ARL8B: variants seen among roughly 807,000 people sequenced by gnomAD.
ARL8B encodes the protein ARF like GTPase 8B, also known as ADP-ribosylation factor-like protein 8B.
A neutral mutation model predicts 30.6 loss-of-function variants in ARL8B; 9 were observed. That is an observed-to-expected ratio of 0.29 (90% CI 0.18 to 0.51). The LOEUF (loss-of-function observed/expected upper bound fraction) is 0.51. Ranked by LOEUF, ARL8B falls within the 20% of genes least tolerant of loss-of-function variation. ARL8B has a pLI of 0.97. For missense variants in ARL8B, 130 were observed against 227.2 expected, an observed-to-expected ratio of 0.57 and a Z score of 2.75; for synonymous variants, 74 against 76.0, an observed-to-expected ratio of 0.97 and a Z score of 0.14.
At chr3:5,165,252 C>CA (rs80333171) in intron 1 of ARL8B, among the ~76,000 whole-genome samples, 48 of 147,890 alleles carry the variant, frequency 3.2e-4, no homozygotes, top group South Asian at 1.3e-3. Context: ...ACTTTGCTAG[C>CA]AAAAAAAAAA....
chr3:5,134,422 C>A (rs1054943122), intron 1 of ARL8B, among the ~76,000 whole-genome samples: 1 of 152,130 alleles, frequency 6.6e-6, no homozygotes. Context: ...GGCTGGGAAG[C>A]CTTTGCTGTC....
chr3:5,169,336 T>TGTGA (rs1227124728), intron 1 of ARL8B, among the ~76,000 whole-genome samples: 1 of 143,200 alleles, frequency 7.0e-6, no homozygotes, highest in Non-Finnish European at 1.5e-5. Context: ...TGTGTGTGTG[T>TGTGA]GTGTGTGAGT....
chr3:5,138,540 T>A (rs2054346371), intron 1 of ARL8B, among the ~76,000 whole-genome samples: 1 of 152,192 alleles, frequency 6.6e-6, no homozygotes, highest in Admixed American at 6.5e-5. Context: ...ATCATTATTA[T>A]TTTTAAATAG....
At position 5,139,102 on chromosome 3, in the gene ARL8B, A is replaced by AT. The variant is rs1193766020; in HGVS notation, c.123+16521dup. ...TAATATTTTAAAAAATTGTTACTGA[A>AT]TTTTTTTACAGTAGAAGGGAACATG... is the stretch of plus-strand genomic sequence containing the variant. On this transcript the variant is annotated intron_variant, in intron 1 of 6. Transcript: ENST00000256496. Among the ~76,000 whole-genome samples the AT allele has an allele frequency of 1.1e-4, 16 of 152,236 alleles. 1 individual carries two copies. The highest frequency in any genetic ancestry group is 6.5e-4 in the Admixed American group (10 of 15,284).
At chr3:5,169,168 T>C (rs1237615501) in intron 1 of ARL8B, among the ~76,000 whole-genome samples, 1 of 152,160 alleles carries the variant, frequency 6.6e-6, no homozygotes, top group Non-Finnish European at 1.5e-5. Flanking sequence ...ATTCACATTG[T>C]GTAACCATCA....
chr3:5,125,599 C>A (rs1468418600), intron 1 of ARL8B, among the ~76,000 whole-genome samples: 1 of 150,416 alleles, frequency 6.6e-6, no homozygotes, highest in Non-Finnish European at 1.5e-5. Flanking sequence ...GTGGCATGAT[C>A]TTGGCTCACT....
chr3:5,124,442 G>C (rs937549489), intron 1 of ARL8B, among the ~76,000 whole-genome samples: 1 of 151,188 alleles, frequency 6.6e-6, no homozygotes, highest in East Asian at 1.9e-4. Context: ...CATGAACTTC[G>C]GGTTACATAT....
At chr3:5,169,680 G>A (rs1469528279) in intron 1 of ARL8B, among the ~76,000 whole-genome samples, 1 of 151,734 alleles carries the variant, frequency 6.6e-6, no homozygotes, top group Non-Finnish European at 1.5e-5. Context: ...GAGTTCATTG[G>A]CCATTTATCT....
chr3:5,168,913 G>A (rs1017254895), intron 1 of ARL8B, among the ~76,000 whole-genome samples: 11 of 152,182 alleles, frequency 7.2e-5, no homozygotes, highest in African/African-American at 1.4e-4. Flanking sequence ...ATTATCTCAC[G>A]TAGATCTCTC....
intron 1 of ARL8B, among the ~76,000 whole-genome samples, chr3:5,124,774 A>G (rs887108290): frequency 6.6e-6 from 1 of 152,196 alleles, no homozygotes; most frequent in Admixed American, 6.5e-5. Context: ...GAGCTTTTAT[A>G]TAATATGGAA....
chr3:5,170,046 A>C (rs2054657768), intron 1 of ARL8B, among the ~76,000 whole-genome samples: 1 of 152,196 alleles, frequency 6.6e-6, no homozygotes, highest in Non-Finnish European at 1.5e-5. Context: ...AAAAGGAAAA[A>C]CTTCTGTATG....
chr3:5,147,333 C>G lies in ARL8B; in HGVS notation c.124-23170C>G, dbSNP rs548945355. ...ATGGTTTCCAGCTTCATCCATGTCC[C>G]TGCAAAGGACATGAACTCATCCTTT... On this transcript the variant is annotated intron_variant, in intron 1 of 6. Transcript: ENST00000256496. 5.3e-5 allele frequency among the ~76,000 whole-genome samples: 8 copies of G among 152,308 alleles called. No homozygotes were observed. In the East Asian group the frequency reaches 5.8e-4, roughly 11 times the overall value.
chr3:5,147,729 T>TC (rs2054441182), intron 1 of ARL8B, among the ~76,000 whole-genome samples: 1 of 152,064 alleles, frequency 6.6e-6, no homozygotes, highest in South Asian at 2.1e-4. Flanking sequence ...TTTTATTCTA[T>TC]CCATCAATCT....
chr3:5,159,297 CAAA>C (rs56033027), intron 1 of ARL8B, among the ~76,000 whole-genome samples: 3 of 53,020 alleles, frequency 5.7e-5, no homozygotes, highest in South Asian at 6.0e-4. Context: ...GACTCTGTCT[CAAA>C]AAAAAAAAAA....
rs1308671484 is a variant in ARL8B at position 5,179,896 on chromosome 3, G to T, written c.*1183G>T. On this transcript the variant is annotated 3_prime_UTR_variant, in exon 7 of 7. Transcript: ENST00000256496. ...GAGAACTGAGGAACTGATGCTGTTT[G>T]TTTGCTTCTATGATACAGAGATGTC... 1.3e-5 allele frequency: 2 copies of T among 152,510 alleles called. No homozygotes were observed. Among genetic ancestry groups the T allele is most frequent in the Admixed American group, 1.3e-4 (2 of 15,270 alleles). 9.4% of individuals were successfully genotyped at this position (152,510 alleles called of 1,614,324 possible).
At chr3:5,135,756 C>CTAG (rs2054319207) in intron 1 of ARL8B, among the ~76,000 whole-genome samples, 1 of 126,910 alleles carries the variant, frequency 7.9e-6, no homozygotes, top group Admixed American at 8.5e-5. Flanking sequence ...CGCACCTGGC[C>CTAG]TATTATTATT....
chr3:5,165,189 C>T (rs952286473), intron 1 of ARL8B, among the ~76,000 whole-genome samples: 1 of 152,128 alleles, frequency 6.6e-6, no homozygotes, highest in Admixed American at 6.5e-5. Context: ...AAACTTCTTG[C>T]TCTTCATCAA....
chr3:5,160,101 A>T (rs2054568482), intron 1 of ARL8B, among the ~76,000 whole-genome samples: 1 of 152,216 alleles, frequency 6.6e-6, no homozygotes, highest in Non-Finnish European at 1.5e-5. Context: ...GCAGGTGTTT[A>T]TTAAGGATTA....
chr3:5,149,128 T>TG (rs1383951494), intron 1 of ARL8B, among the ~76,000 whole-genome samples: 5 of 152,244 alleles, frequency 3.3e-5, no homozygotes, highest in African/African-American at 9.6e-5. Context: ...TGCACACACT[T>TG]GACCTCTGAA....
Sources: gnomAD v4.1 joint callset for allele counts (sites outside exome capture counted in the v4.1 genomes callset) on GRCh38, gnomAD v4.1.1 for gene constraint, MANE v1.5 for transcripts, NCBI Gene and HGNC (gene_info 2026-07-23, HGNC 2026-07-21) for gene names.